SEPTIN7: variants seen among roughly 807,000 people sequenced by gnomAD.
The protein encoded by SEPTIN7 is septin 7.
SEPTIN7 carries 10 observed loss-of-function variants against 63.3 expected under a neutral mutation model. The observed-to-expected ratio is 0.16, with a 90% confidence interval of 0.10 to 0.27. The LOEUF (loss-of-function observed/expected upper bound fraction) is 0.27. SEPTIN7 is among the 10% of genes least tolerant of loss of function. The pLI, the probability that SEPTIN7 is intolerant of heterozygous loss-of-function variation, is 1.00. For synonymous variants in SEPTIN7, 131 were observed against 165.3 expected, an observed-to-expected ratio of 0.79 and a Z score of 1.59; for missense variants, 310 against 521.0, an observed-to-expected ratio of 0.59 and a Z score of 3.94.
At chr7:35,909,853 G>A (rs1159167877), downstream of SEPTIN7, among the ~76,000 whole-genome samples, 1 of 152,236 alleles carries the variant, frequency 6.6e-6, no homozygotes, top group Non-Finnish European at 1.5e-5. Context: ...ACAACAATCT[G>A]TAATAGTAAC....
At chr7:35,839,640 C>T (rs1784309018) in intron 3 of SEPTIN7, among the ~76,000 whole-genome samples, 1 of 152,124 alleles carries the variant, frequency 6.6e-6, no homozygotes, top group Non-Finnish European at 1.5e-5. Flanking sequence ...GCAACCTCCA[C>T]CTCCCAGGTT....
At chr7:35,912,230 G>A in the SEPTIN7 span, among the ~76,000 whole-genome samples, 1 of 152,226 alleles carries the variant, frequency 6.6e-6, no homozygotes, top group Admixed American at 6.5e-5. Flanking sequence ...CACGCTGGAA[G>A]GTTGTGGGTT....
chr7:35,822,111 G>A (rs1265664980), intron 1 of SEPTIN7, among the ~76,000 whole-genome samples: 2 of 150,456 alleles, frequency 1.3e-5, no homozygotes, highest in Non-Finnish European at 3.0e-5. Flanking sequence ...ACAGAGTCTC[G>A]CTCTGTCGCC....
chr7:35,882,079 A>T (rs1786913840), intron 7 of SEPTIN7, among the ~76,000 whole-genome samples: 1 of 151,996 alleles, frequency 6.6e-6, no homozygotes, highest in Non-Finnish European at 1.5e-5. Context: ...ACGTGAGTTT[A>T]GCCCTGTTTA....
rs560698488 is a variant in SEPTIN7 at position 35,870,194 on chromosome 7, AAAG to A, written c.277-2468_277-2466del. On this transcript the variant is annotated intron_variant, in intron 4 of 13. Transcript: ENST00000350320. ...ACAGAATTTTGTAGGCCAGAGAAGAAAAGAAGCTTTATAAACATTCCTTAAAGT... is the reference window on the plus strand; with the variant it reads ...ACAGAATTTTGTAGGCCAGAGAAGAAAAGCTTTATAAACATTCCTTAAAGT... Among the ~76,000 whole-genome samples, 19 of 152,360 alleles carry A rather than the reference AAAG, an allele frequency of 1.2e-4. No homozygotes were observed. The South Asian group carries it at 3.9e-3, about 32-fold the overall frequency.
intron 10 of SEPTIN7, 55 bp downstream of exon 10, chr7:35,885,934 T>C: frequency 6.5e-6 from 8 of 1,233,556 alleles, no homozygotes; most frequent in Admixed American, 2.0e-5. Flanking sequence ...TAAGTAAGAG[T>C]TGGACAGATT....
intron 3 of SEPTIN7, among the ~76,000 whole-genome samples, chr7:35,859,013 C>T (rs369710297): frequency 8.5e-5 from 13 of 152,250 alleles, no homozygotes; most frequent in African/African-American, 2.2e-4. Flanking sequence ...TATTTATCTC[C>T]GCTCTAATCT....
intron 1 of SEPTIN7, among the ~76,000 whole-genome samples, chr7:35,804,844 T>TG (rs1562726733): frequency 6.7e-6 from 1 of 148,594 alleles, no homozygotes; most frequent in African/African-American, 2.5e-5. Context: ...TGTTTTTTTT[T>TG]TTTTTTTTTG....
chr7:35,811,969 A>G (rs1365481310), intron 1 of SEPTIN7: 2 of 178,684 alleles, frequency 1.1e-5, no homozygotes, highest in Non-Finnish European at 1.2e-5. Context: ...CAAAAAACAA[A>G]CAAAAAAATT....
In SEPTIN7 at chr7:35,904,546, C is replaced by T; in HGVS notation, c.*253C>T. 2 of 306,118 alleles carry T rather than the reference C, an allele frequency of 6.5e-6. No individual in the cohort carries two copies. The highest frequency in any genetic ancestry group is 1.2e-5 in the Non-Finnish European group (2 of 167,768). 19.0% of individuals were successfully genotyped at this position (306,118 alleles called of 1,614,324 possible). On this transcript the variant is annotated 3_prime_UTR_variant, in exon 14 of 14. Coordinates refer to ENST00000350320, the MANE Select transcript of SEPTIN7 (RefSeq NM_001788.6). Reference sequence around the variant, plus strand: ...TTTTCTTTTTTTATTAAACAGATATCTTCAGTTTAATGCAAGAGAACATTT... The same window carrying T: ...TTTTCTTTTTTTATTAAACAGATATTTTCAGTTTAATGCAAGAGAACATTT...
At chr7:35,908,323 AC>A (rs1192590361), downstream of SEPTIN7, among the ~76,000 whole-genome samples, 12 of 152,208 alleles carry the variant, frequency 7.9e-5, no homozygotes, top group Non-Finnish European at 1.5e-4. Context: ...TCTTTAGAAG[AC>A]TTTGAAAGCT....
In SEPTIN7 at chr7:35,801,197, A is replaced by AG. The variant is rs757559870; in HGVS notation, c.-6dup. 1.6e-5 allele frequency: 24 copies of AG among 1,491,006 alleles called. No individual in the cohort carries two copies. Among genetic ancestry groups the AG allele is most frequent in the Admixed American group, 4.6e-5 (2 of 43,254 alleles). 92.4% of individuals were successfully genotyped at this position (1,491,006 alleles called of 1,614,324 possible). ...TGCGCTCCGCTGGGGCTGGTCGCGG[A>AG]GGGGGGGAGGGGATGTCGGTCAGTG... On this transcript the variant is annotated 5_prime_UTR_variant, in exon 1 of 14. Coordinates refer to ENST00000350320, the MANE Select transcript of SEPTIN7 (RefSeq NM_001788.6).
chr7:35,823,578 A>G (rs1424344277), intron 1 of SEPTIN7, among the ~76,000 whole-genome samples: 1 of 152,074 alleles, frequency 6.6e-6, no homozygotes, highest in African/African-American at 2.4e-5. Flanking sequence ...GAATTACTTC[A>G]TCTGTATTTG....
At chr7:35,811,874 TAGCTTCCTGCAGTGGC>T (rs1788733695) in intron 1 of SEPTIN7, among the ~76,000 whole-genome samples, 1 of 152,012 alleles carries the variant, frequency 6.6e-6, no homozygotes, top group Non-Finnish European at 1.5e-5. Context: ...ATACAAAAAT[TAGCTTCCTGCAGTGGC>T]AGGTGCCTAT....
At chr7:35,837,766 C>G (rs1431385566) in intron 3 of SEPTIN7, among the ~76,000 whole-genome samples, 1 of 152,060 alleles carries the variant, frequency 6.6e-6, no homozygotes, top group East Asian at 1.9e-4. Flanking sequence ...GAGTCTTGCT[C>G]TGTTGTCCAG....
At chr7:35,884,172 T>C (rs1047964451) in intron 9 of SEPTIN7, among the ~76,000 whole-genome samples, 185 bp downstream of exon 9, 1 of 152,192 alleles carries the variant, frequency 6.6e-6, no homozygotes, top group African/African-American at 2.4e-5. Context: ...TTCAAACCTG[T>C]ATCCTACCAA....
chr7:35,810,195 T>A (rs1280756265), intron 1 of SEPTIN7, among the ~76,000 whole-genome samples: 1 of 152,160 alleles, frequency 6.6e-6, no homozygotes, highest in Admixed American at 6.5e-5. Flanking sequence ...GTGCTTTGAA[T>A]TTTTATGTTT....
intron 1 of SEPTIN7, among the ~76,000 whole-genome samples, chr7:35,822,547 G>A (rs1211289040): frequency 2.0e-5 from 3 of 152,056 alleles, no homozygotes; most frequent in African/African-American, 7.2e-5. Context: ...GATCTGACAG[G>A]TGCCAGAGCT....
rs547453033 is a variant in SEPTIN7, at chr7:35,828,667, G to A, written c.62-2825G>A. On this transcript the variant is annotated intron_variant, in intron 1 of 13. Transcript: ENST00000350320. ...GCTAGGATTACAGGCATGAGCCACC[G>A]TGCCCTGCCGACCTCCTGTTTATCT... Among the ~76,000 whole-genome samples the A allele has an allele frequency of 2.0e-5, 3 of 152,124 alleles. No individual in the cohort carries two copies. In the South Asian group the frequency reaches 6.2e-4, roughly 32 times the overall value.
Sources: allele counts gnomAD v4.1 joint callset (sites outside exome capture counted in the v4.1 genomes callset), GRCh38; gene constraint gnomAD v4.1.1; transcripts MANE v1.5; gene names NCBI Gene and HGNC (gene_info 2026-07-23, HGNC 2026-07-21).